Variants in MRTFA observed in about 807,000 individuals in gnomAD.
The protein encoded by MRTFA is myocardin-related transcription factor A.
In MRTFA, 20 loss-of-function variants were observed where a neutral mutation model predicts 83.5. The observed-to-expected ratio is 0.24, with a 90% CI of 0.17 to 0.35. The LOEUF is 0.35. Among genes scored for constraint, MRTFA ranks in the 10% least tolerant of loss-of-function variants. MRTFA has a pLI of 1.00. For missense variants in MRTFA, 1,200 were observed against 1,224.7 expected, an observed-to-expected ratio of 0.98 and a Z score of 0.30; for synonymous variants, 659 against 541.2, an observed-to-expected ratio of 1.22 and a Z score of -3.02.
intron 3 of MRTFA, among the ~76,000 whole-genome samples, chr22:40,545,880 C>A (rs2055358038): frequency 6.6e-6 from 1 of 151,360 alleles, no homozygotes; most frequent in African/African-American, 2.4e-5. Context: ...ATTACAGGCA[C>A]CCGCCATCAC....
At chr22:40,569,348 T>C (rs755334152) in intron 2 of MRTFA, 3 of 216,130 alleles carry the variant, frequency 1.4e-5, no homozygotes, top group Admixed American at 4.4e-5. Flanking sequence ...TGACAGGCGC[T>C]TCCCCAACCA....
chr22:40,497,077 G>A (rs967574572), intron 3 of MRTFA, among the ~76,000 whole-genome samples: 3 of 152,208 alleles, frequency 2.0e-5, no homozygotes, highest in Non-Finnish European at 4.4e-5. Context: ...TGCCCAAATG[G>A]AGTTGACACT....
At chr22:40,611,785 A>G (rs2056390745) in intron 1 of MRTFA, among the ~76,000 whole-genome samples, 1 of 152,228 alleles carries the variant, frequency 6.6e-6, no homozygotes, top group South Asian at 2.1e-4. Context: ...ATCAGATTTC[A>G]TGAAGATGGT....
intron 2 of MRTFA, among the ~76,000 whole-genome samples, chr22:40,568,325 T>C (rs943259472): frequency 6.6e-6 from 1 of 152,254 alleles, no homozygotes; most frequent in Admixed American, 6.5e-5. Flanking sequence ...GCAATGGCTC[T>C]TCAAGTTACC....
intron 3 of MRTFA, among the ~76,000 whole-genome samples, chr22:40,488,253 G>A (rs2054205879): frequency 2.0e-5 from 3 of 152,120 alleles, no homozygotes; most frequent in Admixed American, 2.0e-4. Flanking sequence ...AATCTACAAG[G>A]TTAAGGTCAC....
chr22:40,561,289 T>C (rs1419346231), intron 2 of MRTFA, among the ~76,000 whole-genome samples: 2 of 151,642 alleles, frequency 1.3e-5, no homozygotes, highest in Non-Finnish European at 2.9e-5. Flanking sequence ...CCTGATAGCT[T>C]ACTATATATG....
At chr22:40,617,964 G>A (rs1024356632) in intron 1 of MRTFA, among the ~76,000 whole-genome samples, 23 of 152,152 alleles carry the variant, frequency 1.5e-4, no homozygotes, top group Middle Eastern at 3.2e-3. Context: ...TCATCTAGTG[G>A]GAAGAGACGG....
intron 3 of MRTFA, chr22:40,533,928 G>A (rs557976128): frequency 6.7e-6 from 2 of 297,866 alleles, no homozygotes; most frequent in African/African-American, 4.3e-5. Context: ...CGTCTCTGGG[G>A]GAGGGGAGAG....
rs772930139 is a variant in MRTFA at position 40,431,453 on chromosome 22, G to A, written c.391C>T (p.Arg131Cys). 9 of 1,613,912 alleles carry A rather than the reference G, an allele frequency of 5.6e-6. No individual in the cohort carries two copies. The highest frequency in any genetic ancestry group is 4.5e-5 in the East Asian group (2 of 44,888). The change falls in exon 6 of 15, where the codon CGT (arginine) becomes TGT (cysteine). Residue 131 changes from arginine (R) to cysteine (C), a missense_variant. Arg to Cys is a radical substitution (Grantham distance 180). Transcript: ENST00000355630. ...AGCTCCGATCTCTCCGGCCGGGAAC[G>A]AATCTTCCGTTTGAGATAGTCCTCT...
At chr22:40,471,608 C>T (rs1483229674) in intron 3 of MRTFA, among the ~76,000 whole-genome samples, 5 of 152,034 alleles carry the variant, frequency 3.3e-5, no homozygotes, top group African/African-American at 1.2e-4. Flanking sequence ...ACTGGCTGGG[C>T]GCGGTAGCTC....
chr22:40,586,999 T>A, intron 2 of MRTFA: 1 of 468,138 alleles, frequency 2.1e-6, no homozygotes. Context: ...TGGCAAAGCC[T>A]GGTGTTGCAG....
chr22:40,617,220 G>A (rs1569354560), intron 1 of MRTFA, among the ~76,000 whole-genome samples: 1 of 113,554 alleles, frequency 8.8e-6, no homozygotes, highest in Admixed American at 9.0e-5. Flanking sequence ...GAGGGAGGGA[G>A]GGCGGGCAGG....
intron 1 of MRTFA, among the ~76,000 whole-genome samples, chr22:40,630,027 G>T (rs1278753953): frequency 6.6e-6 from 1 of 151,750 alleles, no homozygotes; most frequent in East Asian, 1.9e-4. Context: ...AAAGGTACAG[G>T]ACTGGCCAAG....
chr22:40,609,947 T>C (rs1187421013), intron 1 of MRTFA, among the ~76,000 whole-genome samples: 1 of 152,134 alleles, frequency 6.6e-6, no homozygotes, highest in African/African-American at 2.4e-5. Context: ...GTACAAACAG[T>C]TCTAATCAGA....
At position 40,566,015 on chromosome 22, in the gene MRTFA, GCT is replaced by G. The variant is rs368012150; in HGVS notation, c.-21-13650_-21-13649del. Among the ~76,000 whole-genome samples the G allele has an allele frequency of 5.8e-3, 882 of 152,178 alleles. 9 individuals carry two copies. Among genetic ancestry groups the G allele is most frequent in the African/African-American group, 0.021 (858 of 41,504 alleles). On this transcript the variant is annotated intron_variant, in intron 2 of 14. Transcript: ENST00000355630. ...AAGCTTCAGACCTCATGCCTCTATG[GCT>G]CTGTCTGAACTTGACAAGAAACAGC...
intron 3 of MRTFA, among the ~76,000 whole-genome samples, chr22:40,525,301 T>G (rs1031021461): frequency 6.6e-6 from 1 of 152,066 alleles, no homozygotes; most frequent in African/African-American, 2.4e-5. Flanking sequence ...GTGGTAAACA[T>G]TATTCCACAT....
chr22:40,610,236 T>C (rs1212740164), intron 1 of MRTFA, among the ~76,000 whole-genome samples: 1 of 151,748 alleles, frequency 6.6e-6, no homozygotes, highest in Non-Finnish European at 1.5e-5. Context: ...TTAGTAGAGA[T>C]AAGGTTTCAC....
intron 3 of MRTFA, chr22:40,519,731 G>C: frequency 1.6e-6 from 1 of 640,256 alleles, no homozygotes; most frequent in Non-Finnish European, 2.3e-6. Context: ...ATGGAGTCAG[G>C]CTAGTACAAA....
At chr22:40,502,189 T>G (rs1303837607) in intron 3 of MRTFA, among the ~76,000 whole-genome samples, 1 of 124,318 alleles carries the variant, frequency 8.0e-6, no homozygotes, top group African/African-American at 3.2e-5. Context: ...CCGGACGGGG[T>G]GGCTGCCGGG....
Sources: gnomAD v4.1 joint callset for allele counts (sites outside exome capture counted in the v4.1 genomes callset) on GRCh38, gnomAD v4.1.1 for gene constraint, MANE v1.5 for transcripts, NCBI Gene and HGNC (gene_info 2026-07-23, HGNC 2026-07-21) for gene names.